CAMK2A: variants seen among roughly 807,000 people sequenced by gnomAD.
CAMK2A encodes the protein calcium/calmodulin dependent protein kinase II alpha.
Under a neutral mutation model 79.2 loss-of-function variants are expected in CAMK2A, and 7 were observed. The observed-to-expected ratio is 0.09, with a 90% CI of 0.05 to 0.17. The LOEUF (loss-of-function observed/expected upper bound fraction) is 0.17. CAMK2A is among the 10% of genes least tolerant of loss of function. The probability of loss-of-function intolerance (pLI) is 1.00; values close to 1 mark genes in which losing one functional copy is unlikely to be tolerated. For missense variants in CAMK2A, 214 were observed against 646.4 expected (o/e 0.33, Z 7.25); for synonymous variants, 242 against 251.7 (o/e 0.96, Z 0.36).
intron 4 of CAMK2A, among the ~76,000 whole-genome samples, chr5:150,257,313 C>A (rs774318881): frequency 2.8e-4 from 42 of 152,186 alleles, no homozygotes; most frequent in Non-Finnish European, 5.3e-4. Context: ...CTTTATATTG[C>A]CACTGAAAAT....
Position 150,222,280 on chromosome 5 carries a change from A to G in CAMK2A, c.*430T>C, listed in dbSNP as rs1580890229. ...GTGTCATCTGCCCTTCCCCGGGGAC[A>G]CTGGAAGAGGAGAGGTCTGGGAGAG... On this transcript the variant is annotated 3_prime_UTR_variant, in exon 19 of 19. Coordinates refer to ENST00000671881, the MANE Select transcript of CAMK2A (RefSeq NM_015981.4). 1 of 574,096 alleles carries G rather than the reference A, an allele frequency of 1.7e-6. No homozygotes were observed. Among genetic ancestry groups the G allele is most frequent in the East Asian group, 2.9e-5 (1 of 34,368 alleles). The allele number at this position is 574,096 out of a possible 1,614,324, so 35.6% of individuals were successfully genotyped here.
intron 15 of CAMK2A, among the ~76,000 whole-genome samples, chr5:150,233,972 C>G (rs1228354978): frequency 1.3e-5 from 2 of 152,144 alleles, no homozygotes; most frequent in African/African-American, 4.8e-5. Context: ...ACCACCACGC[C>G]CAGCTAATTT....
At chr5:150,276,818 G>C (rs1756966918) in intron 1 of CAMK2A, among the ~76,000 whole-genome samples, 1 of 152,188 alleles carries the variant, frequency 6.6e-6, no homozygotes, top group African/African-American at 2.4e-5. Context: ...GGTTGGACGG[G>C]GGAGGGAGGG....
intron 1 of CAMK2A, among the ~76,000 whole-genome samples, chr5:150,275,389 T>TTC (rs1756906723): frequency 1.3e-5 from 2 of 152,090 alleles, no homozygotes; most frequent in Admixed American, 1.3e-4. Flanking sequence ...GGGTTTTTTT[T>TTC]CACACCAACT....
intron 2 of CAMK2A, among the ~76,000 whole-genome samples, chr5:150,271,583 A>T (rs1756751637): frequency 6.6e-6 from 1 of 152,100 alleles, no homozygotes. Flanking sequence ...CCCCTCACAC[A>T]ACATCTCCCG....
chr5:150,267,219 C>T (rs939023382), intron 2 of CAMK2A, among the ~76,000 whole-genome samples: 33 of 152,312 alleles, frequency 2.2e-4, no homozygotes, highest in Admixed American at 8.5e-4. Flanking sequence ...GCTGACCAGG[C>T]GGGGCCCTCC....
chr5:150,221,277 A>G lies in CAMK2A; in HGVS notation c.*1433T>C. The G allele has an allele frequency of 1.0e-5, 4 of 397,684 alleles. No homozygotes were observed. Among genetic ancestry groups the G allele is most frequent in the Non-Finnish European group, 1.8e-5 (4 of 225,724 alleles). The allele number at this position is 397,684 out of a possible 1,614,324, so 24.6% of individuals were successfully genotyped here. A position where few individuals can be genotyped will look rare whatever the true frequency, so the allele number is the denominator to read the frequency against. On this transcript the variant is annotated 3_prime_UTR_variant, in exon 19 of 19. Coordinates refer to ENST00000671881, the MANE Select transcript of CAMK2A (RefSeq NM_015981.4). ...GTGCCAAGGTATTCCACTCAGAGTC[A>G]ATCCCAGGGAAAGAGGGAAAGAGGA...
chr5:150,242,832 T>C (rs1755408029), intron 13 of CAMK2A, among the ~76,000 whole-genome samples: 1 of 152,160 alleles, frequency 6.6e-6, no homozygotes, highest in Non-Finnish European at 1.5e-5. Context: ...GCTCCCCAGA[T>C]CCTGGGCCAG....
chr5:150,234,555 TC>T (rs1202692632), intron 15 of CAMK2A, among the ~76,000 whole-genome samples: 1 of 152,204 alleles, frequency 6.6e-6, no homozygotes, highest in East Asian at 1.9e-4. Context: ...CAGTTGCTGT[TC>T]CGAGTCCTTT....
chr5:150,289,695 C>G lies in CAMK2A; in HGVS notation c.-70G>C. The G allele has an allele frequency of 7.7e-7, 1 of 1,306,568 alleles. No individual in the cohort carries two copies. Among genetic ancestry groups the G allele is most frequent in the South Asian group, 1.2e-5 (1 of 81,694 alleles). 80.9% of individuals were successfully genotyped at this position (1,306,568 alleles called of 1,614,324 possible). A position where few individuals can be genotyped will look rare whatever the true frequency, so the allele number is the denominator to read the frequency against. On this transcript the variant is annotated 5_prime_UTR_variant, in exon 1 of 19. Coordinates refer to ENST00000671881, the MANE Select transcript of CAMK2A (RefSeq NM_015981.4). ...GACTGAGGCGCTGCTGCTCTGCTCCCGAACCTAGGGACCACTTGCCTGCCC... is the reference window on the plus strand; with the variant it reads ...GACTGAGGCGCTGCTGCTCTGCTCCGGAACCTAGGGACCACTTGCCTGCCC...
intron 1 of CAMK2A, among the ~76,000 whole-genome samples, chr5:150,279,847 A>G (rs1392593694): frequency 6.6e-6 from 1 of 152,212 alleles, no homozygotes; most frequent in Non-Finnish European, 1.5e-5. Context: ...GAAAAGCAAG[A>G]TTCACGCTGG....
chr5:150,270,867 A>G (rs1407794317), intron 2 of CAMK2A, among the ~76,000 whole-genome samples: 1 of 152,050 alleles, frequency 6.6e-6, no homozygotes, highest in Non-Finnish European at 1.5e-5. Context: ...GTGCTTAGTC[A>G]CCTTCCAAAA....
At chr5:150,244,672 G>A (rs948651701) in intron 13 of CAMK2A, among the ~76,000 whole-genome samples, 4 of 152,170 alleles carry the variant, frequency 2.6e-5, no homozygotes, top group Non-Finnish European at 5.9e-5. Flanking sequence ...CCGGGAGGGG[G>A]CACCTTGGAA....
chr5:150,256,661 GGA>G lies in CAMK2A; in HGVS notation c.339-18_339-17del, dbSNP rs1562172026. 1 of 1,612,958 alleles carries G rather than the reference GGA, an allele frequency of 6.2e-7. No homozygotes were observed. The highest frequency in any genetic ancestry group is 1.3e-5 in the African/African-American group (1 of 74,902). On this transcript the variant is annotated splice_polypyrimidine_tract_variant and intron_variant, in intron 5 of 18. Coordinates refer to ENST00000671881, the MANE Select transcript of CAMK2A (RefSeq NM_015981.4). This position sits in a 1 kb window ranked among gnomAD's most constrained non-coding sequence, Gnocchi z 4.6. ...GATACAGTGACTAGGGAGAGAGAGAGGAAGGGGTCATGGTGGTGTGAGCACAG... is the reference window on the plus strand; with the variant it reads ...GATACAGTGACTAGGGAGAGAGAGAGAGGGGTCATGGTGGTGTGAGCACAG...
intron 13 of CAMK2A, among the ~76,000 whole-genome samples, chr5:150,241,763 C>A (rs1755354999): frequency 6.6e-6 from 1 of 150,482 alleles, no homozygotes; most frequent in Admixed American, 6.6e-5. Context: ...TTTTCTTCCT[C>A]TCTTCTCCTT....
chr5:150,253,214 C>A (rs1193567117), intron 7 of CAMK2A, among the ~76,000 whole-genome samples: 1 of 152,162 alleles, frequency 6.6e-6, no homozygotes, highest in Non-Finnish European at 1.5e-5. Flanking sequence ...GAGGGGGCCC[C>A]AGGGAGCCCT....
rs112050572 is a variant in CAMK2A, at chr5:150,228,696, C to T, written c.1143-410G>A. On this transcript the variant is annotated intron_variant, in intron 16 of 18. Transcript: ENST00000671881. ...AGGGGGCTTTTTCTAATTTGTCTTC[C>T]TGTGGGGTCGGGATGGGGGACACTG... Among the ~76,000 whole-genome samples, 221 of 152,224 alleles carry T rather than the reference C, an allele frequency of 1.5e-3. 1 individual carries two copies. Among genetic ancestry groups the T allele is most frequent in the African/African-American group, 5.0e-3 (209 of 41,528 alleles).
At chr5:150,250,202 C>T in intron 11 of CAMK2A, 24 bp downstream of exon 11, 1 of 1,588,674 alleles carries the variant, frequency 6.3e-7, no homozygotes, top group Non-Finnish European at 8.6e-7. Context: ...ATGGCCAGGA[C>T]TGTGGAGGGT....
At chr5:150,245,387 G>A in intron 12 of CAMK2A, 186 bp from the exon 13 acceptor site, 5 of 606,946 alleles carry the variant, frequency 8.2e-6, no homozygotes, top group South Asian at 7.9e-5. Context: ...CTCCTTGGAG[G>A]CCCAGGGACT....
Sources: gnomAD v4.1 joint callset for allele counts (sites outside exome capture counted in the v4.1 genomes callset) on GRCh38, gnomAD v4.1.1 for gene constraint, Gnocchi (gnomAD v3.1) non-coding constraint, MANE v1.5 for transcripts, NCBI Gene and HGNC (gene_info 2026-07-23, HGNC 2026-07-21) for gene names.